The following KLHL1 variants were observed in gnomAD, a reference collection of about 807,000 sequenced individuals.
KLHL1 encodes kelch-like protein 1.
Under a neutral mutation model 77.7 loss-of-function variants are expected in KLHL1, and 47 were observed. That is an observed-to-expected ratio of 0.60 (90% confidence interval 0.48 to 0.77). The LOEUF is 0.77. Among genes scored for constraint, KLHL1 ranks in the 30% least tolerant of loss-of-function variants. The pLI, the probability that KLHL1 is intolerant of heterozygous loss-of-function variation, is 0.00. For synonymous variants in KLHL1, 360 were observed against 325.2 expected (o/e 1.11, Z -1.15); for missense variants, 925 against 910.8 (o/e 1.02, Z -0.20).
At chr13:69,777,668 A>G (rs1447987143) in intron 7 of KLHL1, among the ~76,000 whole-genome samples, 3 of 152,096 alleles carry the variant, frequency 2.0e-5, no homozygotes, top group African/African-American at 7.2e-5. Flanking sequence ...TTGCCTAACT[A>G]TTCTTCACAG....
chr13:69,707,790 A>C lies in KLHL1; in HGVS notation c.2022T>G (p.Asp674Glu). 6.2e-7 allele frequency: 1 copy of C among 1,611,990 alleles called. No homozygotes were observed. Among genetic ancestry groups the C allele is most frequent in the African/African-American group, 1.3e-5 (1 of 74,928 alleles). Residue 674 changes from aspartate (D) to glutamate (E), a missense_variant, in exon 10 of 11, where the codon GAT (aspartate) becomes GAG (glutamate). Asp to Glu is a conservative substitution (Grantham distance 45, BLOSUM62 2). Transcript: ENST00000377844. ...CCATGGTCCAAGTGTCTGTTTTGGG[A>C]TCATATCTAAAATTCAATGACAATA... is the stretch of plus-strand genomic sequence containing the variant. ...SRLLDYVERY[D>E]PKTDTWTMVA... is the part of the protein sequence containing the mutation.
intron 5 of KLHL1, among the ~76,000 whole-genome samples, chr13:69,864,089 A>T (rs1335622936): frequency 6.6e-6 from 1 of 151,958 alleles, no homozygotes; most frequent in Admixed American, 6.6e-5. Context: ...CTGAAAAAAA[A>T]ATTCTTTTTC....
At chr13:70,060,149 G>C (rs1441559487) in intron 1 of KLHL1, among the ~76,000 whole-genome samples, 2 of 152,154 alleles carry the variant, frequency 1.3e-5, no homozygotes, top group Non-Finnish European at 2.9e-5. Flanking sequence ...TATACAAATG[G>C]AAACAGGTGT....
chr13:69,910,978 A>C (rs1882216990), intron 4 of KLHL1, among the ~76,000 whole-genome samples: 1 of 152,120 alleles, frequency 6.6e-6, no homozygotes, highest in African/African-American at 2.4e-5. Flanking sequence ...GGCAAGAATA[A>C]TCTGCAGTAC....
intron 1 of KLHL1, among the ~76,000 whole-genome samples, chr13:70,003,079 A>G (rs1273041075): frequency 1.3e-5 from 2 of 151,722 alleles, no homozygotes; most frequent in African/African-American, 4.8e-5. Context: ...AGTGAACAAA[A>G]TATATTTTTA....
intron 7 of KLHL1, among the ~76,000 whole-genome samples, chr13:69,747,161 T>C (rs1874250330): frequency 6.6e-6 from 1 of 152,118 alleles, no homozygotes; most frequent in South Asian, 2.1e-4. Flanking sequence ...AAGAATTTGA[T>C]TTGTTTTATT....
chr13:70,075,555 G>GT (rs1555295379), intron 1 of KLHL1, among the ~76,000 whole-genome samples: 1 of 18,540 alleles, frequency 5.4e-5, no homozygotes, highest in Non-Finnish European at 1.1e-4. Context: ...ATATATACCT[G>GT]TGTGTGTGTA....
chr13:70,063,714 A>T (rs1450826159), intron 1 of KLHL1, among the ~76,000 whole-genome samples: 1 of 152,064 alleles, frequency 6.6e-6, no homozygotes, highest in African/African-American at 2.4e-5. Context: ...TTATTCTAAT[A>T]TTTTTTTAAA....
intron 1 of KLHL1, 102 bp downstream of exon 1, chr13:70,107,101 T>C (rs1369642445): frequency 1.3e-6 from 2 of 1,499,524 alleles, no homozygotes; most frequent in African/African-American, 2.8e-5. Context: ...TAACCCACAT[T>C]TTCAACCTGA....
chr13:69,837,623 T>C (rs1307933596), intron 6 of KLHL1, among the ~76,000 whole-genome samples: 3 of 138,074 alleles, frequency 2.2e-5, no homozygotes, highest in Non-Finnish European at 4.6e-5. Flanking sequence ...TCTATATATA[T>C]GTGTGTGTAT....
intron 7 of KLHL1, among the ~76,000 whole-genome samples, chr13:69,784,985 G>A (rs1368472879): frequency 7.0e-6 from 1 of 142,556 alleles, no homozygotes; most frequent in Non-Finnish European, 1.5e-5. Flanking sequence ...CGCCTCCCGG[G>A]TTCACGCCAT....
intron 4 of KLHL1, among the ~76,000 whole-genome samples, chr13:69,933,190 A>G (rs1435618827): frequency 2.0e-5 from 3 of 152,108 alleles, no homozygotes; most frequent in African/African-American, 7.2e-5. Flanking sequence ...TCAATTATAT[A>G]TAACTAGTTA....
At chr13:69,781,697 C>T (rs1175605427) in intron 7 of KLHL1, among the ~76,000 whole-genome samples, 3 of 152,232 alleles carry the variant, frequency 2.0e-5, no homozygotes, top group East Asian at 1.9e-4. Context: ...ATTTGAAACA[C>T]ATAAAATCCG....
chr13:70,075,671 GTATATATATATACACACACGTGTGTA>G lies in KLHL1; in HGVS notation c.497+31506_497+31531del, dbSNP rs1320139087. 8.6e-3 allele frequency among the ~76,000 whole-genome samples: 1,192 copies of G among 138,220 alleles called. 23 individuals are homozygous for G. The highest frequency in any genetic ancestry group is 0.031 in the African/African-American group (1,150 of 37,418). The allele number at this position is 138,220 out of a possible 152,430, so 90.7% of individuals were successfully genotyped here. On this transcript the variant is annotated intron_variant, in intron 1 of 10. Transcript: ENST00000377844. ...TTTATATATATACCTATGTGTGTGT[GTATATATATATACACACACGTGTGTA>G]TATATGAAAATTAAACCTGAATTAC...
At chr13:70,002,366 A>G (rs1171937928) in intron 1 of KLHL1, among the ~76,000 whole-genome samples, 44 of 151,642 alleles carry the variant, frequency 2.9e-4, no homozygotes, top group Non-Finnish European at 7.4e-5. Context: ...AATAAAATCA[A>G]TTGGATTGGT....
At chr13:69,796,471 T>G (rs1877111290) in intron 7 of KLHL1, among the ~76,000 whole-genome samples, 1 of 152,302 alleles carries the variant, frequency 6.6e-6, no homozygotes, top group East Asian at 1.9e-4. Flanking sequence ...TCTCTCTTGC[T>G]TCCTGTGTAA....
chr13:69,917,084 AT>A (rs1310499880), intron 4 of KLHL1, among the ~76,000 whole-genome samples: 7 of 152,082 alleles, frequency 4.6e-5, no homozygotes, highest in African/African-American at 1.7e-4. Context: ...ATGTATAAAT[AT>A]ATATGTATGC....
chr13:69,800,617 T>C (rs1877335445), intron 6 of KLHL1, among the ~76,000 whole-genome samples: 1 of 152,172 alleles, frequency 6.6e-6, no homozygotes, highest in Non-Finnish European at 1.5e-5. Context: ...TGAAAATTAT[T>C]AATAATAATA....
intron 1 of KLHL1, among the ~76,000 whole-genome samples, chr13:69,985,923 T>C (rs1884856909): frequency 6.7e-6 from 1 of 148,160 alleles, no homozygotes; most frequent in East Asian, 1.9e-4. Flanking sequence ...TATATATATG[T>C]AAATATATAT....
Sources: allele counts gnomAD v4.1 joint callset (sites outside exome capture counted in the v4.1 genomes callset), GRCh38; gene constraint gnomAD v4.1.1; transcripts MANE v1.5; gene names NCBI Gene and HGNC (gene_info 2026-07-23, HGNC 2026-07-21).